Variants in RELN observed in about 807,000 individuals in gnomAD.
RELN encodes reelin.
A neutral mutation model predicts 427.6 loss-of-function variants in RELN; 108 were observed. The ratio of observed to expected loss-of-function variants is 0.25; its 90% confidence interval spans 0.22 to 0.30. The LOEUF is 0.30. Among genes scored for constraint, RELN ranks in the 10% least tolerant of loss-of-function variants. The pLI, the probability that RELN is intolerant of heterozygous loss-of-function variation, is 1.00. For missense variants in RELN, 3,715 were observed against 4,302.8 expected (o/e 0.86, Z 3.82); for synonymous variants, 1,524 against 1,513.4 (o/e 1.01, Z -0.16).
chr7:103,847,228 C>G (rs1793701512), intron 2 of RELN, among the ~76,000 whole-genome samples: 1 of 152,178 alleles, frequency 6.6e-6, no homozygotes, highest in Admixed American at 6.5e-5. Context: ...ACCTGGAATA[C>G]TATGCAGCCA....
chr7:103,539,426 T>C (rs78760507), intron 44 of RELN, 99 bp from the exon 45 acceptor site: 31 of 1,290,634 alleles, frequency 2.4e-5, no homozygotes, highest in Non-Finnish European at 3.1e-5. Flanking sequence ...TTTGATCTGT[T>C]GGCCTGCTCA....
intron 6 of RELN, among the ~76,000 whole-genome samples, chr7:103,742,486 C>A (rs1362355537): frequency 6.6e-6 from 1 of 152,062 alleles, no homozygotes; most frequent in African/African-American, 2.4e-5. Flanking sequence ...GGAGGAAATT[C>A]AAACCAATGG....
chr7:103,765,409 C>T (rs262335), intron 4 of RELN, among the ~76,000 whole-genome samples: 3 of 152,020 alleles, frequency 2.0e-5, no homozygotes, highest in Non-Finnish European at 4.4e-5. Flanking sequence ...ACACACCTTG[C>T]CTGGGGTCTG....
Position 103,630,054 on chromosome 7 carries a change from G to A in RELN, c.2588C>T (p.Ser863Phe). ...VWAIDEIIMT[S>F]VLFNSISLDF... The stretch of plus-strand genomic sequence containing the variant: ...AAGACTAATGCTGTTGAAAAGCACA[G>A]ATGTCATGATAATCTCATCAATAGC... Residue 863 changes from serine (S) to phenylalanine (F), a missense_variant, in exon 20 of 65, where the codon TCT becomes TTT. This residue lies in a region of RELN where 2,208 missense variants were observed against 2,361.7 expected (regional missense o/e 0.93). Coordinates refer to ENST00000428762, the MANE Select transcript of RELN (RefSeq NM_005045.4). 6.2e-7 allele frequency: 1 copy of A among 1,613,022 alleles called. No homozygotes were observed. The highest frequency in any genetic ancestry group is 8.5e-7 in the Non-Finnish European group (1 of 1,179,116).
intron 2 of RELN, among the ~76,000 whole-genome samples, chr7:103,909,257 T>C (rs1294241465): frequency 2.0e-5 from 3 of 152,070 alleles, no homozygotes; most frequent in Non-Finnish European, 4.4e-5. Flanking sequence ...TTGGCGATAA[T>C]TAGCAAGTTT....
intron 4 of RELN, among the ~76,000 whole-genome samples, chr7:103,769,467 T>C (rs1791510815): frequency 6.6e-6 from 1 of 152,224 alleles, no homozygotes; most frequent in Non-Finnish European, 1.5e-5. Flanking sequence ...ACCTTGATTT[T>C]GAACTTCCCA....
chr7:103,629,631 T>TC (rs1491433808), intron 20 of RELN, among the ~76,000 whole-genome samples: 2 of 98,206 alleles, frequency 2.0e-5, no homozygotes, highest in African/African-American at 1.3e-4. Flanking sequence ...TTTGAAGAGG[T>TC]TTTTTTTTTT....
At chr7:103,633,445 C>T (rs376675789) in intron 19 of RELN, among the ~76,000 whole-genome samples, 51 of 150,534 alleles carry the variant, frequency 3.4e-4, no homozygotes, top group South Asian at 1.3e-3. Flanking sequence ...AGAGAGGGGG[C>T]GGGAGGAAGA....
chr7:103,798,842 C>G (rs969276838), intron 3 of RELN, among the ~76,000 whole-genome samples: 2 of 152,146 alleles, frequency 1.3e-5, no homozygotes, highest in African/African-American at 4.8e-5. Context: ...CCATGGTCAC[C>G]CACAGCTAGA....
chr7:103,759,637 C>T (rs1392688073), intron 4 of RELN, among the ~76,000 whole-genome samples: 1 of 152,028 alleles, frequency 6.6e-6, no homozygotes, highest in African/African-American at 2.4e-5. Flanking sequence ...TATTTTCACT[C>T]AGTGTGAATT....
At chr7:103,906,493 A>T (rs976097089) in intron 2 of RELN, among the ~76,000 whole-genome samples, 3 of 151,990 alleles carry the variant, frequency 2.0e-5, no homozygotes, top group Non-Finnish European at 4.4e-5. Flanking sequence ...TAAGCCTAAA[A>T]TAGGAGCCTG....
intron 2 of RELN, among the ~76,000 whole-genome samples, chr7:103,884,239 C>T (rs1205279877): frequency 6.6e-6 from 1 of 152,176 alleles, no homozygotes; most frequent in Admixed American, 6.5e-5. Flanking sequence ...GTGCAGAAAA[C>T]TGAAACTGGA....
At chr7:103,736,279 T>A (rs1463188569) in intron 6 of RELN, among the ~76,000 whole-genome samples, 1 of 152,186 alleles carries the variant, frequency 6.6e-6, no homozygotes, top group Non-Finnish European at 1.5e-5. Flanking sequence ...GGCATGACCA[T>A]TACACCTGTA....
At chr7:103,742,059 G>C (rs554093508) in intron 6 of RELN, among the ~76,000 whole-genome samples, 305 of 152,232 alleles carry the variant, frequency 2.0e-3, no homozygotes, top group Non-Finnish European at 3.1e-3. Flanking sequence ...GTACTCCTCT[G>C]AGACAAAACT....
chr7:103,904,960 C>A (rs1444472889), intron 2 of RELN, among the ~76,000 whole-genome samples: 1 of 147,074 alleles, frequency 6.8e-6, no homozygotes, highest in Admixed American at 7.0e-5. Flanking sequence ...ACTGCCAATC[C>A]CTTGAAGTTC....
chr7:103,726,304 G>A lies in RELN; in HGVS notation c.753+1807C>T, dbSNP rs116455032. Among the ~76,000 whole-genome samples the A allele has an allele frequency of 9.7e-3, 1,477 of 152,108 alleles. 27 individuals are homozygous for A. Among genetic ancestry groups the A allele is most frequent in the African/African-American group, 0.034 (1,394 of 41,488 alleles). ...GTTAGTATAAAATGTGGACATCATC[G>A]CCATCATTCTCAATCTGTTTCATTT... On this transcript the variant is annotated intron_variant, in intron 7 of 64. Coordinates refer to ENST00000428762, the MANE Select transcript of RELN (RefSeq NM_005045.4).
intron 3 of RELN, among the ~76,000 whole-genome samples, chr7:103,779,689 T>C (rs1791837258): frequency 6.6e-6 from 1 of 152,132 alleles, no homozygotes; most frequent in South Asian, 2.1e-4. Context: ...CAATCTCTTT[T>C]CAGAGGAAGA....
At chr7:103,490,621 A>C in intron 59 of RELN, 47 bp downstream of exon 59, 9 of 1,594,332 alleles carry the variant, frequency 5.6e-6, no homozygotes, top group Non-Finnish European at 6.9e-6. Context: ...TGAACTCTGT[A>C]GAGAGGCCAG....
At position 103,482,928 on chromosome 7, in the gene RELN, G is replaced by A. The variant is rs781073531; in HGVS notation, c.10225C>T (p.Arg3409Cys). Residue 3409 changes from arginine (R) to cysteine (C), a missense_variant, in exon 63 of 65, where the codon CGC becomes TGC. Physicochemically the swap from Arg to Cys is radical, Grantham distance 180. Transcript: ENST00000428762. ...TGATCATGACCTGTTCCATTGTGGCGTGGTTGCCACCAGCGCAGTAAGACT... is the reference window on the plus strand; with the variant it reads ...TGATCATGACCTGTTCCATTGTGGCATGGTTGCCACCAGCGCAGTAAGACT... ...KGVLLRWWQPRHNGTGHDQWA... is the reference protein window; with the variant it reads ...KGVLLRWWQPCHNGTGHDQWA... 1.7e-5 allele frequency: 28 copies of A among 1,614,172 alleles called. No individual in the cohort carries two copies. The East Asian group carries it at 2.2e-4, about 13-fold the overall frequency.
Sources: allele counts gnomAD v4.1 joint callset (sites outside exome capture counted in the v4.1 genomes callset), GRCh38; gene constraint gnomAD v4.1.1; regional missense constraint gnomAD v4.1.1; transcripts MANE v1.5; gene names NCBI Gene and HGNC (gene_info 2026-07-23, HGNC 2026-07-21).